Variants in RPH3A observed in about 807,000 individuals in gnomAD.
The protein encoded by RPH3A is rabphilin-3A.
Under a neutral mutation model 102.2 loss-of-function variants are expected in RPH3A, and 48 were observed. The observed-to-expected ratio is 0.47, with a 90% CI of 0.37 to 0.60. The LOEUF is 0.60. Among genes scored for constraint, RPH3A ranks in the 20% least tolerant of loss-of-function variants. The pLI, the probability that RPH3A is intolerant of heterozygous loss-of-function variation, is 0.00. For missense variants in RPH3A, 781 were observed against 910.1 expected, an observed-to-expected ratio of 0.86 and a Z score of 1.83; for synonymous variants, 310 against 324.3, an observed-to-expected ratio of 0.96 and a Z score of 0.47.
intron 1 of RPH3A, among the ~76,000 whole-genome samples, chr12:112,678,194 C>A: frequency 6.8e-6 from 1 of 146,596 alleles, no homozygotes; most frequent in African/African-American, 2.6e-5. Context: ...AAGACCCTGT[C>A]GAAAGAAAGC....
At chr12:112,844,576 C>G (rs1370894969) in intron 4 of RPH3A, among the ~76,000 whole-genome samples, 1 of 152,198 alleles carries the variant, frequency 6.6e-6, no homozygotes, top group Non-Finnish European at 1.5e-5. Flanking sequence ...GCCCAGCCTC[C>G]TGACCCCTAG....
intron 1 of RPH3A, among the ~76,000 whole-genome samples, chr12:112,582,732 G>A (rs1000149722): frequency 2.6e-5 from 4 of 151,756 alleles, no homozygotes; most frequent in African/African-American, 9.7e-5. Context: ...AAAGTGCTGG[G>A]ATTACAGGTG....
chr12:112,661,448 A>G (rs1270851262), intron 1 of RPH3A, among the ~76,000 whole-genome samples: 1 of 152,170 alleles, frequency 6.6e-6, no homozygotes, highest in East Asian at 1.9e-4. Flanking sequence ...TGTGGAGGAA[A>G]TTTGTGTAGA....
intron 5 of RPH3A, among the ~76,000 whole-genome samples, chr12:112,853,986 C>T (rs1056371372): frequency 6.6e-6 from 1 of 152,218 alleles, no homozygotes; most frequent in Non-Finnish European, 1.5e-5. Flanking sequence ...CTTACGGCGT[C>T]CCTCATGGCC....
intron 2 of RPH3A, among the ~76,000 whole-genome samples, chr12:112,803,668 ATAATAAGGC>A (rs1261613195): frequency 6.6e-6 from 1 of 152,176 alleles, no homozygotes; most frequent in Non-Finnish European, 1.5e-5. Flanking sequence ...ATAAAAATAA[ATAATAAGGC>A]TCTACAGAAA....
At chr12:112,723,190 T>C (rs1376511859) in intron 1 of RPH3A, among the ~76,000 whole-genome samples, 1 of 152,176 alleles carries the variant, frequency 6.6e-6, no homozygotes, top group Non-Finnish European at 1.5e-5. Flanking sequence ...CAGTCAAAAA[T>C]GTGTATATAA....
At chr12:112,882,261 G>A (rs928147276) in intron 15 of RPH3A, among the ~76,000 whole-genome samples, 5 of 152,090 alleles carry the variant, frequency 3.3e-5, no homozygotes, top group African/African-American at 9.7e-5. Flanking sequence ...TAAGCACTTT[G>A]GAGAATATTC....
chr12:112,790,450 G>T (rs531062958), upstream of RPH3A, among the ~76,000 whole-genome samples: 2 of 152,196 alleles, frequency 1.3e-5, no homozygotes, highest in African/African-American at 4.8e-5. Flanking sequence ...AGTGACAAAT[G>T]TAGTAGTTAA....
At chr12:112,584,671 T>C (rs1250952619) in intron 1 of RPH3A, among the ~76,000 whole-genome samples, 1 of 152,148 alleles carries the variant, frequency 6.6e-6, no homozygotes, top group Non-Finnish European at 1.5e-5. Context: ...GCTCCTGCAG[T>C]TGTTATTAAG....
chr12:112,782,403 GAA>G (rs547283805), intron 1 of RPH3A, among the ~76,000 whole-genome samples: 28 of 152,366 alleles, frequency 1.8e-4, no homozygotes, highest in Non-Finnish European at 3.1e-4. Context: ...CCAGGAATCA[GAA>G]AAGAGGAGCT....
chr12:112,882,676 C>A (rs946480764), intron 15 of RPH3A, among the ~76,000 whole-genome samples: 1 of 152,210 alleles, frequency 6.6e-6, no homozygotes, highest in African/African-American at 2.4e-5. Context: ...AAGTGTTTGG[C>A]CCCTGCTCCT....
At chr12:112,826,432 T>G (rs184346706) in intron 2 of RPH3A, among the ~76,000 whole-genome samples, 17 of 152,286 alleles carry the variant, frequency 1.1e-4, no homozygotes, top group African/African-American at 3.1e-4. Flanking sequence ...CATAACTGAC[T>G]TGCTTTTTCG....
chr12:112,836,766 T>C (rs1436821395), intron 4 of RPH3A, among the ~76,000 whole-genome samples: 1 of 152,192 alleles, frequency 6.6e-6, no homozygotes, highest in Non-Finnish European at 1.5e-5. Context: ...TAGTGATTTG[T>C]AGGATTTCAG....
chr12:112,822,226 G>A (rs985321883), intron 2 of RPH3A, among the ~76,000 whole-genome samples: 7 of 152,228 alleles, frequency 4.6e-5, no homozygotes, highest in African/African-American at 1.7e-4. Context: ...GTGGCTGCAG[G>A]TTCTGCTGCA....
chr12:112,616,160 T>G (rs2039677499), intron 1 of RPH3A, among the ~76,000 whole-genome samples: 1 of 152,200 alleles, frequency 6.6e-6, no homozygotes, highest in Non-Finnish European at 1.5e-5. Flanking sequence ...GTTTTTGTTA[T>G]TTTTGAGACA....
chr12:112,823,638 C>T (rs1170546772), intron 2 of RPH3A, among the ~76,000 whole-genome samples: 1 of 152,160 alleles, frequency 6.6e-6, no homozygotes, highest in Non-Finnish European at 1.5e-5. Flanking sequence ...GAATTTGGTA[C>T]TATTTATGTG....
At chr12:112,780,335 T>C (rs1443207753) in intron 1 of RPH3A, among the ~76,000 whole-genome samples, 1 of 151,994 alleles carries the variant, frequency 6.6e-6, no homozygotes, top group Admixed American at 6.5e-5. Flanking sequence ...AATTTTTCAA[T>C]CCTCGCCCCT....
chr12:112,579,579 A>T (rs965404724), intron 1 of RPH3A, among the ~76,000 whole-genome samples: 1 of 152,174 alleles, frequency 6.6e-6, no homozygotes, highest in Non-Finnish European at 1.5e-5. Context: ...TGTTTAAAAG[A>T]TTAGCTGTAT....
At chr12:112,760,711 C>T (rs2040849338) in intron 1 of RPH3A, among the ~76,000 whole-genome samples, 1 of 152,120 alleles carries the variant, frequency 6.6e-6, no homozygotes, top group Admixed American at 6.5e-5. Context: ...CTAATTCTGC[C>T]AGGGACATTT....
Sources: allele counts gnomAD v4.1 joint callset (sites outside exome capture counted in the v4.1 genomes callset), GRCh38; gene constraint gnomAD v4.1.1; transcripts MANE v1.5; gene names NCBI Gene and HGNC (gene_info 2026-07-23, HGNC 2026-07-21).